Variants in DOCK1 observed in about 807,000 individuals in gnomAD.
DOCK1 encodes dedicator of cytokinesis 1.
In DOCK1, 138 loss-of-function variants were observed where a neutral mutation model predicts 262.7. That is an observed-to-expected ratio of 0.53 (90% CI 0.46 to 0.61). The LOEUF (loss-of-function observed/expected upper bound fraction) is 0.61, where lower values mean the gene tolerates loss of function less well. DOCK1 is among the 20% of genes least tolerant of loss of function. The pLI, the probability that DOCK1 is intolerant of heterozygous loss-of-function variation, is 0.00. For synonymous variants in DOCK1, 866 were observed against 867.4 expected (o/e 1.00, Z 0.03); for missense variants, 1,908 against 2,370.7 (o/e 0.80, Z 4.05).
At chr10:127,217,008 AG>A (rs1042550852) in intron 27 of DOCK1, among the ~76,000 whole-genome samples, 1 of 152,100 alleles carries the variant, frequency 6.6e-6, no homozygotes, top group Non-Finnish European at 1.5e-5. Flanking sequence ...CTTGCTTTTT[AG>A]TTTCATGGAG....
At chr10:127,142,176 G>T (rs2051324124) in intron 27 of DOCK1, among the ~76,000 whole-genome samples, 1 of 152,214 alleles carries the variant, frequency 6.6e-6, no homozygotes, top group African/African-American at 2.4e-5. Flanking sequence ...CACGGTCCCA[G>T]GCCACCAGAC....
chr10:127,387,286 C>T (rs1055741664), intron 38 of DOCK1, among the ~76,000 whole-genome samples: 64 of 152,226 alleles, frequency 4.2e-4, no homozygotes, highest in African/African-American at 1.3e-3. Flanking sequence ...CACTGCCCAG[C>T]GGGTTTCTGC....
At chr10:127,364,547 G>A (rs1565029034) in intron 33 of DOCK1, among the ~76,000 whole-genome samples, 1 of 152,048 alleles carries the variant, frequency 6.6e-6, no homozygotes, top group Non-Finnish European at 1.5e-5. Context: ...TGTATTTTTA[G>A]TAGAGACGGT....
chr10:127,451,450 A>C lies in DOCK1; in HGVS notation c.*23A>C, dbSNP rs2070966474. 8 of 1,557,876 alleles carry C rather than the reference A, an allele frequency of 5.1e-6. No individual in the cohort carries two copies. The highest frequency in any genetic ancestry group is 7.0e-6 in the Non-Finnish European group (8 of 1,150,920). The stretch of plus-strand genomic sequence containing the variant: ...TGACGTCGCAAGCCTCTCTGGAAAG[A>C]GTGTGCTGCCCCTCCCCATCTCCAT... On this transcript the variant is annotated 3_prime_UTR_variant, in exon 52 of 52. Coordinates refer to ENST00000623213, the MANE Select transcript of DOCK1 (RefSeq NM_001290223.2).
At chr10:127,315,853 C>T (rs1194513883) in intron 29 of DOCK1, among the ~76,000 whole-genome samples, 1 of 152,072 alleles carries the variant, frequency 6.6e-6, no homozygotes, top group Non-Finnish European at 1.5e-5. Context: ...TGCCTGCCCC[C>T]ATGCCGGGCC....
chr10:127,000,783 G>A (rs1484511398), intron 10 of DOCK1: 1 of 163,790 alleles, frequency 6.1e-6, no homozygotes, highest in African/African-American at 2.4e-5. Context: ...CCTCCGCCAT[G>A]TTGGTGTTCT....
intron 27 of DOCK1, among the ~76,000 whole-genome samples, chr10:127,178,414 T>C (rs1254404231): frequency 6.6e-6 from 1 of 152,146 alleles, no homozygotes; most frequent in Non-Finnish European, 1.5e-5. Flanking sequence ...CGGTGCAGGG[T>C]GGTCAGCAGT....
At chr10:127,066,944 G>C (rs77503109) in intron 23 of DOCK1, among the ~76,000 whole-genome samples, 4 of 152,202 alleles carry the variant, frequency 2.6e-5, no homozygotes, top group Non-Finnish European at 5.9e-5. Context: ...TTGGCTCCTA[G>C]AGACAGTGTT....
chr10:126,995,068 T>C lies in DOCK1; in HGVS notation c.474-1680T>C, dbSNP rs1171961739. On this transcript the variant is annotated intron_variant, in intron 6 of 51. Transcript: ENST00000623213. This position sits in a 1 kb window ranked among gnomAD's most constrained non-coding sequence, Gnocchi z 5.8. ...GGGTCGTGGCTGGGCAGAGGCGCTCTTCACATCTCAGACGGGGCGGCAGGG... is the reference window on the plus strand; with the variant it reads ...GGGTCGTGGCTGGGCAGAGGCGCTCCTCACATCTCAGACGGGGCGGCAGGG... Among the ~76,000 whole-genome samples, 3 of 147,412 alleles carry C rather than the reference T, an allele frequency of 2.0e-5. No homozygotes were observed. The highest frequency in any genetic ancestry group is 6.7e-5 in the Admixed American group (1 of 14,844).
chr10:127,368,782 G>T (rs1418833095), intron 33 of DOCK1, among the ~76,000 whole-genome samples: 1 of 151,980 alleles, frequency 6.6e-6, no homozygotes, highest in Admixed American at 6.6e-5. Flanking sequence ...CCTCATACTG[G>T]ATTTTGCTTC....
At position 126,999,424 on chromosome 10, in the gene DOCK1, G is replaced by A. The variant is rs1357802190; in HGVS notation, c.838G>A (p.Ala280Thr). 3 of 1,613,080 alleles carry A rather than the reference G, an allele frequency of 1.9e-6. No individual in the cohort carries two copies. The Admixed American group carries it at 5.0e-5, about 27-fold the overall frequency. ...CATAGACAGATTACATAATTTGCGA[G>A]CCGTGTTTACTGTAAGTGCACCCAA... ...KDIDRLHNLR[A>T]VFTDLGSKDL... is the part of the protein sequence containing the mutation. The change falls in exon 9 of 52, where the codon GCC becomes ACC. Residue 280 changes from alanine (A) to threonine (T), a missense_variant. Around this residue, in one of 9 missense-constraint regions of DOCK1, gnomAD observed 102 missense variants for 154.9 expected, o/e 0.66. Coordinates refer to ENST00000623213, the MANE Select transcript of DOCK1 (RefSeq NM_001290223.2).
intron 29 of DOCK1, among the ~76,000 whole-genome samples, chr10:127,286,503 C>A (rs139084451): frequency 3.9e-5 from 6 of 152,040 alleles, no homozygotes; most frequent in Non-Finnish European, 7.4e-5. Context: ...TATACTATTA[C>A]TATTATATTA....
At chr10:126,958,639 C>T (rs989456073) in intron 1 of DOCK1, among the ~76,000 whole-genome samples, 1 of 152,062 alleles carries the variant, frequency 6.6e-6, no homozygotes, top group Non-Finnish European at 1.5e-5. Flanking sequence ...GTCCTTTGGG[C>T]ACCTGGGTAT....
intron 27 of DOCK1, among the ~76,000 whole-genome samples, chr10:127,239,572 A>C (rs993742219): frequency 6.6e-6 from 1 of 152,186 alleles, no homozygotes; most frequent in Non-Finnish European, 1.5e-5. Flanking sequence ...ACTTTCATTT[A>C]TAACAATGAT....
chr10:127,326,828 C>T (rs550077703), intron 29 of DOCK1, among the ~76,000 whole-genome samples: 3 of 152,184 alleles, frequency 2.0e-5, no homozygotes, highest in Non-Finnish European at 2.9e-5. Context: ...CAAAATTGCT[C>T]GTGATTAATG....
intron 1 of DOCK1, among the ~76,000 whole-genome samples, chr10:126,953,003 TTGG>T (rs1258207260): frequency 4.3e-4 from 66 of 151,816 alleles, no homozygotes; most frequent in Middle Eastern, 6.9e-3. Context: ...TGATGTAGTG[TTGG>T]TGGTGGTAGT....
At chr10:127,272,682 C>G (rs2060611475) in intron 29 of DOCK1, among the ~76,000 whole-genome samples, 1 of 152,144 alleles carries the variant, frequency 6.6e-6, no homozygotes, top group Admixed American at 6.5e-5. Flanking sequence ...TGCATTAGTC[C>G]GTGTTCACGC....
At chr10:127,353,613 G>A (rs989826243) in intron 31 of DOCK1, among the ~76,000 whole-genome samples, 1 of 152,218 alleles carries the variant, frequency 6.6e-6, no homozygotes, top group Non-Finnish European at 1.5e-5. Context: ...GAGCTAGCGT[G>A]TCCTGGTAGG....
chr10:127,434,548 C>G (rs1236180737), intron 48 of DOCK1, among the ~76,000 whole-genome samples: 1 of 152,142 alleles, frequency 6.6e-6, no homozygotes, highest in East Asian at 1.9e-4. Flanking sequence ...CAAACTGAAA[C>G]TCTGTACCCA....
Sources: gnomAD v4.1 joint callset for allele counts (sites outside exome capture counted in the v4.1 genomes callset) on GRCh38, gnomAD v4.1.1 for gene constraint, gnomAD v4.1.1 regional missense constraint, Gnocchi (gnomAD v3.1) non-coding constraint, MANE v1.5 for transcripts, NCBI Gene and HGNC (gene_info 2026-07-23, HGNC 2026-07-21) for gene names.